The following XPO4 variants were observed in gnomAD, a reference collection of about 807,000 sequenced individuals.
XPO4 encodes exportin 4.
In XPO4, 39 loss-of-function variants were observed where a neutral mutation model predicts 143.0. The ratio of observed to expected loss-of-function variants is 0.27; its 90% CI spans 0.21 to 0.36. XPO4 has a LOEUF of 0.36. Ranked by LOEUF, XPO4 falls within the 10% of genes least tolerant of loss-of-function variation. The pLI, the probability that XPO4 is intolerant of heterozygous loss-of-function variation, is 1.00. For synonymous variants in XPO4, 439 were observed against 474.0 expected (o/e 0.93, Z 0.96); for missense variants, 907 against 1,348.0 (o/e 0.67, Z 5.12).
intron 2 of XPO4, among the ~76,000 whole-genome samples, chr13:20,863,489 G>T (rs2060219334): frequency 6.6e-6 from 1 of 152,154 alleles, no homozygotes; most frequent in African/African-American, 2.4e-5. Context: ...GCTACACTTA[G>T]AAAGACCCAG....
chr13:20,827,263 T>C (rs2059796708), intron 6 of XPO4, 84 bp from the exon 7 acceptor site: 3 of 939,924 alleles, frequency 3.2e-6, no homozygotes, highest in African/African-American at 3.2e-5. Flanking sequence ...AGGAGCCATC[T>C]AGAAAGAATT....
Position 20,857,140 on chromosome 13 carries a change from A to G in XPO4, c.318-1375T>C, listed in dbSNP as rs148915883. 7.9e-4 allele frequency among the ~76,000 whole-genome samples: 120 copies of G among 152,350 alleles called. 1 individual carries two copies. Among genetic ancestry groups the G allele is most frequent in the African/African-American group, 2.9e-3 (119 of 41,580 alleles). On this transcript the variant is annotated intron_variant, in intron 3 of 22. Coordinates refer to ENST00000255305, the MANE Select transcript of XPO4 (RefSeq NM_022459.5). ...AATAAATGCAGAGATCCTACTATGC[A>G]TAAGAATATTAGTTGGCCAAAGGGA...
chr13:20,879,133 T>A (rs1040816757), intron 1 of XPO4: 31 of 985,278 alleles, frequency 3.1e-5, no homozygotes, highest in Non-Finnish European at 3.7e-5. Flanking sequence ...CTAGTGACCC[T>A]GAACTTCCAT....
chr13:20,896,272 A>T (rs1381403793), intron 1 of XPO4, among the ~76,000 whole-genome samples: 1 of 152,236 alleles, frequency 6.6e-6, no homozygotes, highest in Non-Finnish European at 1.5e-5. Context: ...CCACCTCAGA[A>T]AAGGGTGAGG....
At chr13:20,865,172 CTT>C (rs1426425419) in intron 2 of XPO4, among the ~76,000 whole-genome samples, 1 of 146,808 alleles carries the variant, frequency 6.8e-6, no homozygotes, top group Non-Finnish European at 1.5e-5. Context: ...GAGTTTTGCT[CTT>C]GTTACTGAGA....
At chr13:20,889,279 C>T (rs1448158638) in intron 1 of XPO4, among the ~76,000 whole-genome samples, 1 of 152,186 alleles carries the variant, frequency 6.6e-6, no homozygotes. Context: ...ACAGAATATT[C>T]CTATTACTGC....
intron 4 of XPO4, among the ~76,000 whole-genome samples, chr13:20,845,461 G>A (rs1487116639): frequency 2.6e-5 from 4 of 152,140 alleles, no homozygotes; most frequent in African/African-American, 9.7e-5. Flanking sequence ...ATATAAAAAT[G>A]TCCCTTCCTC....
chr13:20,887,451 A>G (rs1039016778), intron 1 of XPO4, among the ~76,000 whole-genome samples: 1 of 152,252 alleles, frequency 6.6e-6, no homozygotes, highest in Non-Finnish European at 1.5e-5. Flanking sequence ...TAATAAAAAG[A>G]TATTTCATAA....
chr13:20,786,897 A>G lies in XPO4; in HGVS notation c.3258+68T>C. 3 of 1,324,304 alleles carry G rather than the reference A, an allele frequency of 2.3e-6. 1 individual carries two copies. The highest frequency in any genetic ancestry group is 2.8e-5 in the South Asian group (2 of 71,154). 82.0% of individuals were successfully genotyped at this position (1,324,304 alleles called of 1,614,324 possible). A position where few individuals can be genotyped will look rare whatever the true frequency, so the allele number is the denominator to read the frequency against. ...TATAAGGGGGGATTAATGACCCACC[A>G]TCTATCTCAACAATCTCTTTGCAAA... On this transcript the variant is annotated intron_variant, in intron 22 of 22. Transcript: ENST00000255305.
intron 6 of XPO4, 29 bp downstream of exon 6, chr13:20,842,866 G>A (rs1197786402): frequency 6.4e-7 from 1 of 1,574,742 alleles, no homozygotes. Flanking sequence ...AATTACCACA[G>A]ATAAACTATT....
chr13:20,871,217 G>T (rs1267318438), intron 1 of XPO4, among the ~76,000 whole-genome samples: 1 of 152,058 alleles, frequency 6.6e-6, no homozygotes, highest in African/African-American at 2.4e-5. Flanking sequence ...ATCTCACTCT[G>T]TTGCCCATGC....
chr13:20,834,065 C>T (rs564041021), intron 6 of XPO4, among the ~76,000 whole-genome samples: 1 of 152,142 alleles, frequency 6.6e-6, no homozygotes. Flanking sequence ...CAGAGGAATT[C>T]GCTCTCTGGG....
chr13:20,851,487 T>C (rs2060085966), intron 4 of XPO4: 5 of 950,400 alleles, frequency 5.3e-6, no homozygotes, highest in Non-Finnish European at 5.0e-6. Context: ...GGTGGGCAGA[T>C]TGCTTGAGCC....
intron 14 of XPO4, 32 bp from the exon 15 acceptor site, chr13:20,800,357 G>C (rs934524248): frequency 6.3e-7 from 1 of 1,579,178 alleles, no homozygotes; most frequent in Non-Finnish European, 8.6e-7. Flanking sequence ...TTTAAGGTAA[G>C]CAAGAAAGAT....
At chr13:20,901,494 T>C (rs1287949550) in intron 1 of XPO4, among the ~76,000 whole-genome samples, 1 of 152,222 alleles carries the variant, frequency 6.6e-6, no homozygotes, top group African/African-American at 2.4e-5. Context: ...GAATACTAGC[T>C]AGTTACTTCT....
intron 13 of XPO4, among the ~76,000 whole-genome samples, chr13:20,804,997 T>C (rs1046165046): frequency 6.6e-6 from 1 of 151,696 alleles, no homozygotes; most frequent in Non-Finnish European, 1.5e-5. Context: ...CAGACTAGAG[T>C]GCAGTGGTGC....
intron 4 of XPO4, chr13:20,848,785 C>T (rs1245391823): frequency 3.0e-6 from 3 of 985,042 alleles, no homozygotes; most frequent in Admixed American, 1.2e-4. Flanking sequence ...GATGTGTTCC[C>T]TATTTTTTGG....
chr13:20,788,830 C>T (rs1457969743), intron 19 of XPO4, among the ~76,000 whole-genome samples: 4 of 152,274 alleles, frequency 2.6e-5, no homozygotes, highest in African/African-American at 9.6e-5. Context: ...AAGTAACAGA[C>T]AGTCAAAACA....
chr13:20,893,592 C>T (rs761231082), intron 1 of XPO4, among the ~76,000 whole-genome samples: 6 of 151,918 alleles, frequency 3.9e-5, no homozygotes, highest in Non-Finnish European at 5.9e-5. Context: ...CCCGTCTCTA[C>T]TAAAAATACA....
Sources: gnomAD v4.1 joint callset for allele counts (sites outside exome capture counted in the v4.1 genomes callset) on GRCh38, gnomAD v4.1.1 for gene constraint, MANE v1.5 for transcripts, NCBI Gene and HGNC (gene_info 2026-07-23, HGNC 2026-07-21) for gene names.